Variants in GLIPR1 observed in about 807,000 individuals in gnomAD.
GLIPR1 encodes glioma pathogenesis-related protein 1.
Under a neutral mutation model 30.3 loss-of-function variants are expected in GLIPR1, and 38 were observed. The ratio of observed to expected loss-of-function variants is 1.26; its 90% CI spans 0.97 to 1.65. The LOEUF is 1.65. Ranked by LOEUF, GLIPR1 falls within the 40% of genes most tolerant of loss-of-function variation. The pLI, the probability that GLIPR1 is intolerant of heterozygous loss-of-function variation, is 0.00. For synonymous variants in GLIPR1, 122 were observed against 110.6 expected, an observed-to-expected ratio of 1.10 and a Z score of -0.65; for missense variants, 285 against 326.5, an observed-to-expected ratio of 0.87 and a Z score of 0.98.
chr12:75,486,346 T>G (rs1346529536), intron 2 of GLIPR1, among the ~76,000 whole-genome samples: 5 of 152,206 alleles, frequency 3.3e-5, no homozygotes, highest in Admixed American at 3.3e-4. Flanking sequence ...TTAAGAATTT[T>G]TAAGCCTAAG....
chr12:75,501,836 A>G lies in GLIPR1; in HGVS notation c.*2858A>G, dbSNP rs2046396340. 2.5e-6 allele frequency: 4 copies of G among 1,576,608 alleles called. No individual in the cohort carries two copies. In the African/African-American group the frequency reaches 5.4e-5, roughly 21 times the overall value. On this transcript the variant is annotated 3_prime_UTR_variant, in exon 6 of 6. Transcript: ENST00000266659. The stretch of plus-strand genomic sequence containing the variant: ...TTTAGCCTACATTAATAAATAAAAA[A>G]TATATCAGTTAAATGTATTTATAGT...
In GLIPR1 at chr12:75,481,965, T is replaced by C. The variant is rs771458888; in HGVS notation, c.306T>C (p.Thr102=). ...CTTCACTGGGAGAGAACATCTGGAC[T>C]GGGTCTGTGCCCATTTTTTCTGTGT... ...NFTSLGENIW[T]GSVPIFSVSS... The change falls in exon 2 of 6, where the codon ACT becomes ACC. Residue 102 remains threonine (T), a synonymous_variant. Transcript: ENST00000266659. 1 of 1,614,192 alleles carries C rather than the reference T, an allele frequency of 6.2e-7. No individual in the cohort carries two copies. Among genetic ancestry groups the C allele is most frequent in the Admixed American group, 1.7e-5 (1 of 60,026 alleles).
intron 4 of GLIPR1, chr12:75,498,062 C>G (rs573549947): frequency 1.0e-4 from 16 of 152,466 alleles, no homozygotes; most frequent in African/African-American, 3.9e-4. Flanking sequence ...GGTTCTACCA[C>G]GAGCATCTAA....
In GLIPR1 at chr12:75,502,311, T is replaced by C. The variant is rs999574862; in HGVS notation, c.*3333T>C. On this transcript the variant is annotated 3_prime_UTR_variant, in exon 6 of 6. Transcript: ENST00000266659. The stretch of plus-strand genomic sequence containing the variant: ...TGGGGAAAATTTGAAGAAGCTTCAA[T>C]GGCAGACAAAGTAGGAGGGATAAGA... The C allele has an allele frequency of 1.7e-5, 4 of 233,376 alleles. No individual in the cohort carries two copies. Among genetic ancestry groups the C allele is most frequent in the Admixed American group, 5.2e-5 (1 of 19,122 alleles). 14.5% of individuals were successfully genotyped at this position (233,376 alleles called of 1,614,324 possible). A position where few individuals can be genotyped will look rare whatever the true frequency, so the allele number is the denominator to read the frequency against.
chr12:75,498,277 G>C (rs988929383), intron 4 of GLIPR1: 2 of 156,092 alleles, frequency 1.3e-5, no homozygotes, highest in Admixed American at 6.5e-5. Context: ...TAGACTGGAT[G>C]AAAGAGAGGT....
rs1430387407 is a variant in GLIPR1, at chr12:75,490,463, T to G, written c.478T>G (p.Ser160Ala). Reference sequence around the variant, plus strand: ...CGCAGTTCAATTTTGCCCTAAAGTTTCTGGCTTTGACGCTCTTTCCAATGG... The same window carrying G: ...CGCAGTTCAATTTTGCCCTAAAGTTGCTGGCTTTGACGCTCTTTCCAATGG... ...GCAVQFCPKV[S>A]GFDALSNGAH... is the part of the protein sequence containing the mutation. Residue 160 changes from serine to alanine, a missense_variant, in exon 3 of 6, where the codon TCT becomes GCT. Ser to Ala is a moderately conservative substitution (Grantham distance 99). Transcript: ENST00000266659. 5.6e-6 allele frequency: 9 copies of G among 1,604,332 alleles called. No individual in the cohort carries two copies. The South Asian group carries it at 9.9e-5, about 18-fold the overall frequency.
chr12:75,502,167 A>C lies in GLIPR1; in HGVS notation c.*3189A>C. 1.7e-6 allele frequency: 1 copy of C among 587,810 alleles called. No individual in the cohort carries two copies. 36.4% of individuals were successfully genotyped at this position (587,810 alleles called of 1,614,324 possible). On this transcript the variant is annotated 3_prime_UTR_variant, in exon 6 of 6. Transcript: ENST00000266659. ...AGAGTCTAAGCTGAGGGGAATACAT[A>C]CACAAAAGTGTGGAGGTAGGAAAGC...
Position 75,501,550 on chromosome 12 carries a change from G to C in GLIPR1, c.*2572G>C. The C allele has an allele frequency of 1.7e-6, 1 of 576,968 alleles. No individual in the cohort carries two copies. The highest frequency in any genetic ancestry group is 3.0e-6 in the Non-Finnish European group (1 of 327,976). 35.7% of individuals were successfully genotyped at this position (576,968 alleles called of 1,614,324 possible). On this transcript the variant is annotated 3_prime_UTR_variant, in exon 6 of 6. Transcript: ENST00000266659. ...GTTTGCACTGAAATAGGCATTAGCT[G>C]CCTCTAAATTATAAATTATCTCAGC...
At chr12:75,490,195 T>TCTCA (rs773732753) in intron 2 of GLIPR1, among the ~76,000 whole-genome samples, 2 of 141,608 alleles carry the variant, frequency 1.4e-5, no homozygotes, top group Non-Finnish European at 3.0e-5. Flanking sequence ...TTATCTTATT[T>TCTCA]CACACACACA....
chr12:75,484,401 A>G (rs1594055172), intron 2 of GLIPR1: 1 of 152,246 alleles, frequency 6.6e-6, no homozygotes, highest in Non-Finnish European at 1.5e-5. Flanking sequence ...GTGAATAAAC[A>G]GACTTAGAGA....
chr12:75,502,032 A>AAAT lies in GLIPR1; in HGVS notation c.*3058_*3060dup, dbSNP rs1357794492. The AAAT allele has an allele frequency of 3.2e-6, 5 of 1,555,946 alleles. No individual in the cohort carries two copies. Among genetic ancestry groups the AAAT allele is most frequent in the Admixed American group, 3.5e-5 (2 of 57,574 alleles). ...AAAACGGTATTTACAATTACATCAG[A>AAAT]AATAATGTAGAGGAGAAGTCATGTC... On this transcript the variant is annotated 3_prime_UTR_variant, in exon 6 of 6. Transcript: ENST00000266659.
intron 3 of GLIPR1, chr12:75,490,769 T>C (rs1039440443): frequency 9.4e-5 from 28 of 297,606 alleles, no homozygotes; most frequent in Non-Finnish European, 1.3e-4. Context: ...ACTACCTAAA[T>C]ACATACGCAC....
At chr12:75,495,428 C>G in intron 3 of GLIPR1, 149 bp from the exon 4 acceptor site, 1 of 573,660 alleles carries the variant, frequency 1.7e-6, no homozygotes, top group East Asian at 2.8e-5. Context: ...CCTTCCATTT[C>G]TGCCTTCCTG....
At chr12:75,493,843 C>T (rs2046336077) in intron 3 of GLIPR1, 1 of 152,202 alleles carries the variant, frequency 6.6e-6, no homozygotes, top group African/African-American at 2.4e-5. Flanking sequence ...ACCATTTCCA[C>T]AGACCTCACC....
At chr12:75,494,671 C>CA (rs1306740152) in intron 3 of GLIPR1, 16 of 152,088 alleles carry the variant, frequency 1.1e-4, no homozygotes, top group Non-Finnish European at 4.4e-5. Flanking sequence ...TACGATTACA[C>CA]AAAAAAGTTT....
rs143959784 is a variant in GLIPR1 at position 75,495,648 on chromosome 12, T to G, written c.605T>G (p.Leu202Trp). The G allele has an allele frequency of 9.2e-5, 148 of 1,604,080 alleles. 1 individual carries two copies. The highest frequency in any genetic ancestry group is 1.2e-4 in the Non-Finnish European group (141 of 1,170,994). Residue 202 changes from leucine to tryptophan, a missense_variant, in exon 4 of 6, where the codon TTG becomes TGG. Leu to Trp is a moderately conservative substitution (Grantham distance 61). Transcript: ENST00000266659. Reference protein sequence around the residue: ...CSACPNNDKCLDNLCVNRQRD... With the variant: ...CSACPNNDKCWDNLCVNRQRD... ...GCCTGCCCCAATAATGACAAGTGTT[T>G]GGACAATCTCTGTGGTGAGTAAAAG...
intron 1 of GLIPR1, 84 bp downstream of exon 1, chr12:75,481,138 A>G: frequency 1.1e-6 from 1 of 934,774 alleles, no homozygotes; most frequent in South Asian, 1.7e-5. Context: ...CCTTCGTAAT[A>G]CTGAATGATT....
At position 75,495,561 on chromosome 12, in the gene GLIPR1, T is replaced by C. The variant is rs558237723; in HGVS notation, c.534-16T>C. 1.3e-5 allele frequency: 19 copies of C among 1,483,306 alleles called. 1 individual carries two copies. In the South Asian group the frequency reaches 2.2e-4, roughly 17 times the overall value. 91.9% of individuals were successfully genotyped at this position (1,483,306 alleles called of 1,614,324 possible). A position where few individuals can be genotyped will look rare whatever the true frequency, so the allele number is the denominator to read the frequency against. ...ACCGAAAAACTTCTAATGGACATCC[T>C]TCTTCTGCTTTACAGAGGGAATTAC... On this transcript the variant is annotated splice_polypyrimidine_tract_variant and intron_variant, in intron 3 of 5. Coordinates refer to ENST00000266659, the MANE Select transcript of GLIPR1 (RefSeq NM_006851.3).
intron 1 of GLIPR1, chr12:75,481,322 A>G: frequency 3.7e-6 from 1 of 268,604 alleles, no homozygotes; most frequent in Non-Finnish European, 6.7e-6. Context: ...TCTTTTTGTT[A>G]TCTTCCTCCC....
Sources: gnomAD v4.1 joint callset for allele counts (sites outside exome capture counted in the v4.1 genomes callset) on GRCh38, gnomAD v4.1.1 for gene constraint, MANE v1.5 for transcripts, NCBI Gene and HGNC (gene_info 2026-07-23, HGNC 2026-07-21) for gene names.